Variants in GSE1 observed in about 807,000 individuals in gnomAD.
The protein encoded by GSE1 is genetic suppressor element 1.
A neutral mutation model predicts 112.6 loss-of-function variants in GSE1; 32 were observed. The observed-to-expected ratio is 0.28, with a 90% CI of 0.21 to 0.38. GSE1 has a LOEUF of 0.38. GSE1 is among the 10% of genes least tolerant of loss of function. The probability of loss-of-function intolerance (pLI) is 1.00; values close to 1 mark genes in which losing one functional copy is unlikely to be tolerated. For missense variants in GSE1, 2,348 were observed against 1,699.2 expected, an observed-to-expected ratio of 1.38 and a Z score of -6.71; for synonymous variants, 1,115 against 735.6, an observed-to-expected ratio of 1.52 and a Z score of -8.35.
intron 2 of GSE1, among the ~76,000 whole-genome samples, chr16:85,519,722 T>A (rs894337546): frequency 1.5e-5 from 2 of 134,964 alleles, no homozygotes; most frequent in Admixed American, 1.5e-4. Context: ...GTCATCATCA[T>A]CACCATCACC....
chr16:85,328,725 A>C (rs776658575), intron 1 of GSE1, among the ~76,000 whole-genome samples: 1 of 152,144 alleles, frequency 6.6e-6, no homozygotes, highest in Non-Finnish European at 1.5e-5. Context: ...CCCCGTAGTC[A>C]TGTCCGTGCC....
In GSE1 at chr16:85,656,946, T is replaced by G. The variant is rs2052011872; in HGVS notation, c.1312+281T>G. ...TTCGTTGATTTTATTTCTCTGTAAGTTTACGAAACAATTGTCCAGTAATAA... is the reference window on the plus strand; with the variant it reads ...TTCGTTGATTTTATTTCTCTGTAAGGTTACGAAACAATTGTCCAGTAATAA... On this transcript the variant is annotated intron_variant, in intron 7 of 15. Transcript: ENST00000253458. Among the ~76,000 whole-genome samples the G allele has an allele frequency of 2.6e-5, 4 of 152,202 alleles. No homozygotes were observed. In the South Asian group the frequency reaches 8.3e-4, roughly 32 times the overall value.
At chr16:85,368,708 AAAACT>A (rs775989577) in intron 2 of GSE1, among the ~76,000 whole-genome samples, 2 of 152,192 alleles carry the variant, frequency 1.3e-5, no homozygotes, top group Non-Finnish European at 2.9e-5. Context: ...CTGTCACTAA[AAAACT>A]AAACTAAACT....
chr16:85,458,837 C>G (rs771645502), intron 2 of GSE1, among the ~76,000 whole-genome samples: 4 of 152,146 alleles, frequency 2.6e-5, no homozygotes, highest in Non-Finnish European at 4.4e-5. Context: ...GTTCAGGGAG[C>G]CTGGGGCCTC....
intron 2 of GSE1, among the ~76,000 whole-genome samples, chr16:85,495,198 G>C (rs887002618): frequency 6.6e-6 from 1 of 152,210 alleles, no homozygotes; most frequent in African/African-American, 2.4e-5. Flanking sequence ...GAAAGCCAAG[G>C]TTGGGGTCCC....
chr16:85,617,609 C>CA (rs1567658796), intron 1 of GSE1, among the ~76,000 whole-genome samples: 1 of 114,300 alleles, frequency 8.7e-6, no homozygotes, highest in East Asian at 2.5e-4. Context: ...CCCCCCCCCC[C>CA]CCGTTAACTG....
chr16:85,599,725 C>T (rs1208623669), intron 1 of GSE1, among the ~76,000 whole-genome samples: 1 of 152,206 alleles, frequency 6.6e-6, no homozygotes, highest in Admixed American at 6.5e-5. Flanking sequence ...TTCTCTTTCT[C>T]CTTCTCTCCC....
chr16:85,493,620 G>C (rs2051077147), intron 2 of GSE1, among the ~76,000 whole-genome samples: 1 of 152,016 alleles, frequency 6.6e-6, no homozygotes, highest in Admixed American at 6.5e-5. Flanking sequence ...GGGCGTGGTG[G>C]CACATGCCTG....
exon 1 of GSE1, chr16:85,169,970 G>GCGA: frequency 3.0e-6 from 3 of 984,646 alleles, no homozygotes; most frequent in East Asian, 1.1e-4. Context: ...AGCGCCACCG[G>GCGA]CGACGACGAC....
At chr16:85,442,716 C>T (rs191258843) in intron 2 of GSE1, among the ~76,000 whole-genome samples, 236 of 152,278 alleles carry the variant, frequency 1.5e-3, no homozygotes, top group African/African-American at 5.6e-3. Flanking sequence ...AGCCCCTGGC[C>T]CCCTTGCTTG....
intron 2 of GSE1, among the ~76,000 whole-genome samples, chr16:85,360,582 C>T (rs891982107): frequency 5.3e-5 from 8 of 152,240 alleles, no homozygotes; most frequent in Non-Finnish European, 7.4e-5. Flanking sequence ...GGCAGGCGGG[C>T]GGGCGCTGTC....
chr16:85,648,893 C>G (rs1248347592), intron 3 of GSE1, 142 bp downstream of exon 3: 3 of 526,670 alleles, frequency 5.7e-6, no homozygotes, highest in South Asian at 5.6e-5. Flanking sequence ...GTCTCCTTCT[C>G]TGCAACGTGA....
chr16:85,483,880 G>A (rs527917996), intron 2 of GSE1, among the ~76,000 whole-genome samples: 1 of 152,250 alleles, frequency 6.6e-6, no homozygotes, highest in East Asian at 1.9e-4. Context: ...CTGCCAGCAG[G>A]CCTCTGGGCC....
At chr16:85,436,998 C>T (rs993342648) in intron 2 of GSE1, among the ~76,000 whole-genome samples, 16 of 152,184 alleles carry the variant, frequency 1.1e-4, no homozygotes, top group South Asian at 2.1e-4. Context: ...CGGCGGAGCC[C>T]GGGCAGAGGC....
At chr16:85,455,917 G>A (rs1390067732) in intron 2 of GSE1, among the ~76,000 whole-genome samples, 1 of 152,210 alleles carries the variant, frequency 6.6e-6, no homozygotes, top group African/African-American at 2.4e-5. Context: ...CACCTCTGGG[G>A]TCAGGCCCCG....
intron 1 of GSE1, among the ~76,000 whole-genome samples, chr16:85,298,478 A>T (rs1204403471): frequency 6.6e-6 from 1 of 152,102 alleles, no homozygotes; most frequent in East Asian, 1.9e-4. Flanking sequence ...CCCAGGTTGG[A>T]GGGCAGTGGC....
intron 2 of GSE1, among the ~76,000 whole-genome samples, chr16:85,639,504 C>G (rs62051379): frequency 6.6e-6 from 1 of 152,150 alleles, no homozygotes; most frequent in South Asian, 2.1e-4. Flanking sequence ...GGCGCCAGGC[C>G]TAGCCTGCCT....
intron 1 of GSE1, among the ~76,000 whole-genome samples, chr16:85,300,815 G>A (rs1423178556): frequency 2.0e-5 from 3 of 152,138 alleles, no homozygotes; most frequent in African/African-American, 7.2e-5. Context: ...AGTTGGCCCC[G>A]ACCACCCACC....
intron 1 of GSE1, among the ~76,000 whole-genome samples, chr16:85,302,151 GAC>G (rs563823310): frequency 1.3e-3 from 191 of 152,270 alleles, no homozygotes; most frequent in Non-Finnish European, 1.9e-3. Context: ...GGGGAGAGGA[GAC>G]ACAGCCCAGG....
Sources: gnomAD v4.1 joint callset for allele counts (sites outside exome capture counted in the v4.1 genomes callset) on GRCh38, gnomAD v4.1.1 for gene constraint, MANE v1.5 for transcripts, NCBI Gene and HGNC (gene_info 2026-07-23, HGNC 2026-07-21) for gene names.